Variants in ERC1 observed in about 807,000 individuals in gnomAD.
ERC1 encodes the protein RAB6 interacting protein 2.
In ERC1, 56 loss-of-function variants were observed where a neutral mutation model predicts 132.0. The observed-to-expected ratio is 0.42, with a 90% CI of 0.34 to 0.53. ERC1 has a LOEUF of 0.53. ERC1 is among the 20% of genes least tolerant of loss of function. ERC1 has a pLI of 0.03. For synonymous variants in ERC1, 478 were observed against 476.1 expected (o/e 1.00, Z -0.05); for missense variants, 1,202 against 1,349.9 (o/e 0.89, Z 1.72).
intron 8 of ERC1, among the ~76,000 whole-genome samples, chr12:1,179,593 C>T (rs923838892): frequency 1.3e-5 from 2 of 149,768 alleles, no homozygotes; most frequent in African/African-American, 4.9e-5. Context: ...CTGCAGGCTC[C>T]GCCTCCCGGG....
At chr12:1,137,720 G>A (rs905402330) in intron 7 of ERC1, among the ~76,000 whole-genome samples, 4 of 151,454 alleles carry the variant, frequency 2.6e-5, no homozygotes, top group African/African-American at 4.9e-5. Context: ...GGGCATGGTG[G>A]CATGCACCTG....
rs536470401 is a variant in ERC1, at chr12:1,486,487, C to T, written c.3214-3606C>T. On this transcript the variant is annotated intron_variant, in intron 18 of 18. Coordinates refer to ENST00000360905, the MANE Select transcript of ERC1 (RefSeq NM_178040.4). ...TCACCCAGGCTGGAGTACAGTGGCA[C>T]GATCTCGGCTCACTGCAACCTCCGC... Among the ~76,000 whole-genome samples the T allele has an allele frequency of 8.6e-5, 13 of 151,920 alleles. No homozygotes were observed. In the East Asian group the frequency reaches 2.1e-3, roughly 25 times the overall value.
At chr12:1,013,513 C>T (rs1965024821) in intron 1 of ERC1, among the ~76,000 whole-genome samples, 1 of 151,968 alleles carries the variant, frequency 6.6e-6, no homozygotes, top group South Asian at 2.1e-4. Flanking sequence ...CTGCTCCAAG[C>T]AGAGGTGGCC....
At chr12:1,242,090 A>G (rs2075845946) in intron 13 of ERC1, among the ~76,000 whole-genome samples, 1 of 151,720 alleles carries the variant, frequency 6.6e-6, no homozygotes, top group Non-Finnish European at 1.5e-5. Context: ...CAGGTGATTC[A>G]GCCACCTCGG....
chr12:1,402,435 A>C (rs1015565992), intron 16 of ERC1, among the ~76,000 whole-genome samples: 2 of 152,064 alleles, frequency 1.3e-5, no homozygotes, highest in Non-Finnish European at 2.9e-5. Context: ...GAGGCTGAGA[A>C]AGGAGAATCG....
intron 18 of ERC1, among the ~76,000 whole-genome samples, chr12:1,459,544 T>A (rs2154420506): frequency 6.6e-6 from 1 of 152,348 alleles, no homozygotes; most frequent in Non-Finnish European, 1.5e-5. Context: ...AATGCCAGCA[T>A]AATGTAGACG....
intron 8 of ERC1, among the ~76,000 whole-genome samples, chr12:1,161,483 A>G (rs1004712640): frequency 6.6e-5 from 10 of 152,190 alleles, no homozygotes; most frequent in Non-Finnish European, 1.0e-4. Flanking sequence ...TTTCTGTCTC[A>G]TTACGAACTC....
chr12:1,424,625 T>C (rs2092549058), intron 17 of ERC1, among the ~76,000 whole-genome samples: 1 of 152,128 alleles, frequency 6.6e-6, no homozygotes, highest in Non-Finnish European at 1.5e-5. Context: ...CAGGCAGCCT[T>C]AGGAAGCTCA....
At chr12:1,196,497 G>T (rs977266017) in intron 12 of ERC1, among the ~76,000 whole-genome samples, 1 of 139,236 alleles carries the variant, frequency 7.2e-6, no homozygotes. Flanking sequence ...TCTTATGTAG[G>T]TTTTTTTTTT....
intron 8 of ERC1, among the ~76,000 whole-genome samples, chr12:1,171,607 G>A (rs569303089): frequency 6.6e-6 from 1 of 152,160 alleles, no homozygotes; most frequent in East Asian, 1.9e-4. Flanking sequence ...GAGCCTTTTT[G>A]AATAACTGAT....
At chr12:1,195,824 G>A (rs745748873) in intron 12 of ERC1, among the ~76,000 whole-genome samples, 23 of 147,510 alleles carry the variant, frequency 1.6e-4, no homozygotes, top group Non-Finnish European at 3.0e-4. Context: ...AGGATTCTCC[G>A]TTACTTCCAA....
At chr12:1,282,202 C>A (rs2078726336) in intron 14 of ERC1, among the ~76,000 whole-genome samples, 1 of 152,118 alleles carries the variant, frequency 6.6e-6, no homozygotes, top group Non-Finnish European at 1.5e-5. Context: ...GGTAGCAAAG[C>A]AGCGCTCAGT....
intron 17 of ERC1, among the ~76,000 whole-genome samples, chr12:1,424,951 C>A (rs935056328): frequency 6.6e-6 from 1 of 152,102 alleles, no homozygotes; most frequent in Non-Finnish European, 1.5e-5. Context: ...AGCTCACTAA[C>A]GCATAGCCAG....
intron 15 of ERC1, among the ~76,000 whole-genome samples, chr12:1,295,860 T>G (rs879547433): frequency 6.6e-6 from 1 of 152,146 alleles, no homozygotes; most frequent in Non-Finnish European, 1.5e-5. Flanking sequence ...TCACTGCTCC[T>G]CAGAAGAAAT....
intron 16 of ERC1, among the ~76,000 whole-genome samples, chr12:1,396,373 T>C (rs1246086067): frequency 2.0e-5 from 3 of 152,212 alleles, no homozygotes; most frequent in African/African-American, 7.2e-5. Context: ...AAACCTATCA[T>C]TTTTTTGCAC....
intron 1 of ERC1, among the ~76,000 whole-genome samples, chr12:1,003,594 A>G (rs1263747702): frequency 6.6e-6 from 1 of 152,162 alleles, no homozygotes; most frequent in Non-Finnish European, 1.5e-5. Context: ...ATGTTGTTGA[A>G]TAGAGATAGG....
chr12:1,160,602 T>C (rs1951797169), intron 8 of ERC1, among the ~76,000 whole-genome samples: 2 of 152,034 alleles, frequency 1.3e-5, no homozygotes. Flanking sequence ...TCCCAGCTAC[T>C]GGGGAGGCTG....
At chr12:1,200,723 T>C (rs1956833430) in intron 12 of ERC1, among the ~76,000 whole-genome samples, 3 of 152,050 alleles carry the variant, frequency 2.0e-5, no homozygotes, top group Non-Finnish European at 4.4e-5. Flanking sequence ...CACAGCCGGC[T>C]AGTTTTTTGT....
intron 15 of ERC1, among the ~76,000 whole-genome samples, chr12:1,327,782 T>C (rs1440419903): frequency 6.6e-6 from 1 of 152,176 alleles, no homozygotes; most frequent in Non-Finnish European, 1.5e-5. Flanking sequence ...AACTGCCAAC[T>C]GCACCTGACA....
Sources: gnomAD v4.1 joint callset for allele counts (sites outside exome capture counted in the v4.1 genomes callset) on GRCh38, gnomAD v4.1.1 for gene constraint, MANE v1.5 for transcripts, NCBI Gene and HGNC (gene_info 2026-07-23, HGNC 2026-07-21) for gene names.